UGT1A4: variants seen among roughly 807,000 people sequenced by gnomAD.
UGT1A4 encodes UDP glucuronosyltransferase family 1 member A4.
UGT1A4 carries 32 observed loss-of-function variants against 41.1 expected under a neutral mutation model. The ratio of observed to expected loss-of-function variants is 0.78; its 90% CI spans 0.59 to 1.05. The LOEUF (loss-of-function observed/expected upper bound fraction) is 1.05. Ranked by LOEUF, UGT1A4 falls within the 50% of genes least tolerant of loss-of-function variation. UGT1A4 has a pLI of 0.00. For synonymous variants in UGT1A4, 283 were observed against 265.1 expected (o/e 1.07, Z -0.66); for missense variants, 748 against 677.4 (o/e 1.10, Z -1.16).
In UGT1A4 at chr2:233,734,701, C is replaced by T. The variant is rs1205669329; in HGVS notation, c.867+15014C>T. On this transcript the variant is annotated intron_variant, in intron 1 of 4. Coordinates refer to ENST00000373409, the MANE Select transcript of UGT1A4 (RefSeq NM_007120.3). ...CTGATTTAAATGTGTCCCAGAGATT[C>T]TGGTATGTTGTGTCTTTGTTCTCGT... Among the ~76,000 whole-genome samples, 1,503 of 152,228 alleles carry T rather than the reference C, an allele frequency of 9.9e-3. 21 individuals carry two copies. The highest frequency in any genetic ancestry group is 0.035 in the African/African-American group (1,434 of 41,552).
chr2:233,764,888 C>G (rs1553621888), intron 1 of UGT1A4, among the ~76,000 whole-genome samples: 1 of 147,412 alleles, frequency 6.8e-6, no homozygotes, highest in Non-Finnish European at 1.5e-5. Context: ...AAGGCAAAGA[C>G]AAAGCCCTTA....
At chr2:233,744,229 G>T (rs1245532493) in intron 1 of UGT1A4, among the ~76,000 whole-genome samples, 1 of 151,826 alleles carries the variant, frequency 6.6e-6, no homozygotes, top group African/African-American at 2.4e-5. Context: ...AAAAGAGAGG[G>T]CCTTGACTTT....
chr2:233,769,853 G>T lies in UGT1A4; in HGVS notation c.1307+1414G>T. On this transcript the variant is annotated intron_variant, in intron 4 of 4. Transcript: ENST00000373409. This position sits in a 1 kb window ranked among gnomAD's most constrained non-coding sequence, Gnocchi z 4.4. ...AACCTGGGCAACAGAGTGAGACCCT[G>T]TCTCAAAAAAAAAAAAAAAAATGAA... The T allele has an allele frequency of 4.6e-5, 18 of 388,562 alleles. No individual in the cohort carries two copies. The highest frequency in any genetic ancestry group is 9.6e-5 in the East Asian group (2 of 20,776). 24.1% of individuals were successfully genotyped at this position (388,562 alleles called of 1,614,324 possible).
intron 1 of UGT1A4, among the ~76,000 whole-genome samples, chr2:233,763,257 T>A (rs187516962): frequency 6.6e-6 from 1 of 152,268 alleles, no homozygotes. Context: ...TAACCTGTTT[T>A]GTCTTGTTGC....
At chr2:233,729,299 C>T in intron 1 of UGT1A4, 2 of 1,614,234 alleles carry the variant, frequency 1.2e-6, no homozygotes, top group Non-Finnish European at 1.7e-6. Flanking sequence ...GGCCACCAGG[C>T]AGTGGTCCTC....
Position 233,719,465 on chromosome 2 carries a change from C to G in UGT1A4, c.645C>G (p.Leu215=), listed in dbSNP as rs1204222582. The G allele has an allele frequency of 6.2e-7, 1 of 1,613,994 alleles. No homozygotes were observed. ...TCCTGCAAAGGGTCAAGAACATGCT[C>G]TACCCTCTGGCCCTGTCCTACATTT... ...MTFLQRVKNM[L]YPLALSYICH... Residue 215 remains leucine, a synonymous_variant, in exon 1 of 5, where the codon CTC becomes CTG. Coordinates refer to ENST00000373409, the MANE Select transcript of UGT1A4 (RefSeq NM_007120.3).
rs540217987 is a variant in UGT1A4, at chr2:233,754,403, C to G, written c.868-12631C>G. On this transcript the variant is annotated intron_variant, in intron 1 of 4. Coordinates refer to ENST00000373409, the MANE Select transcript of UGT1A4 (RefSeq NM_007120.3). ...CAAACAGAGGTCCTATCCGTGCAGTCCCAACAATAAAGACAGGCATTGGCA... is the reference window on the plus strand; with the variant it reads ...CAAACAGAGGTCCTATCCGTGCAGTGCCAACAATAAAGACAGGCATTGGCA... 52 of 338,868 alleles carry G rather than the reference C, an allele frequency of 1.5e-4. 1 individual carries two copies. Among genetic ancestry groups the G allele is most frequent in the South Asian group, 1.1e-3 (47 of 41,482 alleles). 21.0% of individuals were successfully genotyped at this position (338,868 alleles called of 1,614,324 possible).
chr2:233,772,918 GCAGTTTTAATCTTATCTTTT>G lies in UGT1A4; in HGVS notation c.*360_*379del. 2.7e-6 allele frequency: 1 copy of G among 377,336 alleles called. No homozygotes were observed. The allele number at this position is 377,336 out of a possible 1,614,324, so 23.4% of individuals were successfully genotyped here. A position where few individuals can be genotyped will look rare whatever the true frequency, so the allele number is the denominator to read the frequency against. On this transcript the variant is annotated 3_prime_UTR_variant, in exon 5 of 5. Transcript: ENST00000373409. ...CCCACGGCTGCCCCTACTGCAAATG[GCAGTTTTAATCTTATCTTTT>G]GGCTTCTGCAGATGGTTGCAATTGA...
At chr2:233,744,388 A>G (rs1176772242) in intron 1 of UGT1A4, among the ~76,000 whole-genome samples, 1 of 151,864 alleles carries the variant, frequency 6.6e-6, no homozygotes, top group Non-Finnish European at 1.5e-5. Flanking sequence ...CCAACGTTCC[A>G]GCCCCGGTGC....
At chr2:233,731,751 G>A (rs1484667687) in intron 1 of UGT1A4, among the ~76,000 whole-genome samples, 2 of 152,152 alleles carry the variant, frequency 1.3e-5, no homozygotes, top group Non-Finnish European at 2.9e-5. Context: ...ACATACGTGT[G>A]CATGTGTCCT....
intron 1 of UGT1A4, among the ~76,000 whole-genome samples, chr2:233,761,825 G>A (rs1697874860): frequency 6.6e-6 from 1 of 152,234 alleles, no homozygotes; most frequent in South Asian, 2.1e-4. Flanking sequence ...GGCTCCTTCA[G>A]ATGGAGCGTT....
chr2:233,747,435 T>C, intron 1 of UGT1A4: 2 of 1,608,866 alleles, frequency 1.2e-6, no homozygotes, highest in East Asian at 2.2e-5. Flanking sequence ...AGAGAAATTT[T>C]TCACCCTGAC....
rs146825304 is a variant in UGT1A4, at chr2:233,749,948, G to C, written c.868-17086G>C. On this transcript the variant is annotated intron_variant, in intron 1 of 4. Transcript: ENST00000373409. ...AAAGCTCTTTCCTTTATGAATTACC[G>C]AGTCTTGGGTATGTCTTTATAGCAG... 4.8e-3 allele frequency among the ~76,000 whole-genome samples: 734 copies of C among 151,926 alleles called. 7 individuals carry two copies. The highest frequency in any genetic ancestry group is 4.2e-3 in the Non-Finnish European group (283 of 68,018).
intron 1 of UGT1A4, chr2:233,743,959 C>A (rs371517697): frequency 5.2e-6 from 7 of 1,333,990 alleles, no homozygotes; most frequent in Non-Finnish European, 7.0e-6. Context: ...GCACAGCGAG[C>A]GGCAAGGCTG....
At chr2:233,736,293 T>C (rs1349532860) in intron 1 of UGT1A4, among the ~76,000 whole-genome samples, 2 of 152,248 alleles carry the variant, frequency 1.3e-5, no homozygotes, top group Admixed American at 1.3e-4. Flanking sequence ...TTCTTCCAGT[T>C]GCTCTAATCA....
Position 233,769,695 on chromosome 2 carries a change from A to G in UGT1A4, c.1307+1256A>G, listed in dbSNP as rs1699919505. ...AATGTGTGTGTGGTGGCACTGGATA[A>G]AAGATCAATGTTGGCTAGGCACCAT... On this transcript the variant is annotated intron_variant, in intron 4 of 4. Transcript: ENST00000373409. The surrounding 1 kb of genome is among the most constrained non-coding windows in gnomAD (Gnocchi z 4.4). The G allele has an allele frequency of 6.5e-7, 1 of 1,540,004 alleles. No individual in the cohort carries two copies. Among genetic ancestry groups the G allele is most frequent in the South Asian group, 1.2e-5 (1 of 81,286 alleles).
chr2:233,730,006 G>A (rs1262951640), intron 1 of UGT1A4: 11 of 1,613,746 alleles, frequency 6.8e-6, no homozygotes, highest in Non-Finnish European at 9.3e-6. Context: ...CTGTATTGGT[G>A]CCTTCATCCA....
intron 1 of UGT1A4, among the ~76,000 whole-genome samples, chr2:233,722,767 A>G (rs2077035171): frequency 6.6e-6 from 1 of 151,610 alleles, no homozygotes; most frequent in Non-Finnish European, 1.5e-5. Flanking sequence ...CTGTTACCTA[A>G]TTCTGATATT....
chr2:233,755,487 G>GT (rs1198715478), intron 1 of UGT1A4: 2 of 206,234 alleles, frequency 9.7e-6, no homozygotes. Flanking sequence ...GTGAGGCCCT[G>GT]TGATGCTCCA....
Sources: gnomAD v4.1 joint callset for allele counts (sites outside exome capture counted in the v4.1 genomes callset) on GRCh38, gnomAD v4.1.1 for gene constraint, Gnocchi (gnomAD v3.1) non-coding constraint, MANE v1.5 for transcripts, NCBI Gene and HGNC (gene_info 2026-07-23, HGNC 2026-07-21) for gene names.